The following SERGEF variants were observed in gnomAD, a reference collection of about 807,000 sequenced individuals.
The protein encoded by SERGEF is secretion regulating guanine nucleotide exchange factor.
A neutral mutation model predicts 50.0 loss-of-function variants in SERGEF; 51 were observed. The ratio of observed to expected loss-of-function variants is 1.02; its 90% confidence interval spans 0.81 to 1.29. The LOEUF is 1.29. SERGEF is among the 50% of genes most tolerant of loss of function. The probability of loss-of-function intolerance (pLI) is 0.00; values close to 1 mark genes in which losing one functional copy is unlikely to be tolerated. For synonymous variants in SERGEF, 205 were observed against 212.4 expected (o/e 0.97, Z 0.30); for missense variants, 521 against 557.0 (o/e 0.94, Z 0.65).
At chr11:17,911,371 T>C (rs1016384660) in intron 9 of SERGEF, among the ~76,000 whole-genome samples, 1 of 147,202 alleles carries the variant, frequency 6.8e-6, no homozygotes, top group Middle Eastern at 3.3e-3. Context: ...TATATTAAAA[T>C]ATATATAAAA....
At chr11:17,998,558 G>A (rs1406775482) in intron 5 of SERGEF, among the ~76,000 whole-genome samples, 5 of 147,974 alleles carry the variant, frequency 3.4e-5, no homozygotes, top group African/African-American at 5.0e-5. Flanking sequence ...ATGTGTATGT[G>A]TGTATTTATA....
At chr11:17,788,925 T>G (rs950948386) in intron 10 of SERGEF, among the ~76,000 whole-genome samples, 30 of 152,360 alleles carry the variant, frequency 2.0e-4, no homozygotes, top group African/African-American at 7.0e-4. Context: ...CGTGTCACTC[T>G]GCTGCTTAAA....
chr11:17,891,570 T>C (rs374081177), intron 9 of SERGEF, among the ~76,000 whole-genome samples: 17 of 152,318 alleles, frequency 1.1e-4, no homozygotes, highest in East Asian at 9.7e-4. Context: ...ACAATACATG[T>C]TAAGCCTGGA....
chr11:17,992,657 A>G (rs1267747184), intron 7 of SERGEF, among the ~76,000 whole-genome samples: 2 of 152,242 alleles, frequency 1.3e-5, no homozygotes, highest in South Asian at 4.1e-4. Context: ...TAGTTAAGAA[A>G]GCAAACTCAG....
intron 5 of SERGEF, among the ~76,000 whole-genome samples, chr11:17,998,436 C>CAT (rs1853884923): frequency 2.2e-5 from 1 of 46,262 alleles, no homozygotes; most frequent in Non-Finnish European, 4.4e-5. Context: ...TACATACATA[C>CAT]ATACATATAT....
chr11:17,944,861 C>T (rs540515515), intron 9 of SERGEF, among the ~76,000 whole-genome samples: 84 of 152,134 alleles, frequency 5.5e-4, no homozygotes, highest in Admixed American at 2.0e-3. Context: ...AAGATGATAC[C>T]GACACAGAAT....
intron 10 of SERGEF, among the ~76,000 whole-genome samples, chr11:17,837,838 AT>A (rs1259770140): frequency 1.3e-5 from 2 of 151,442 alleles, no homozygotes; most frequent in Non-Finnish European, 2.9e-5. Flanking sequence ...TAATTTTTGT[AT>A]TTTTAATAGA....
intron 5 of SERGEF, among the ~76,000 whole-genome samples, chr11:17,999,088 A>G (rs1232165215): frequency 6.6e-6 from 1 of 152,178 alleles, no homozygotes; most frequent in African/African-American, 2.4e-5. Context: ...AAAAAAGCCA[A>G]CCTCAAAAGG....
chr11:17,967,619 G>GT (rs1401419323), intron 8 of SERGEF, among the ~76,000 whole-genome samples: 2 of 152,202 alleles, frequency 1.3e-5, no homozygotes, highest in Non-Finnish European at 2.9e-5. Flanking sequence ...ACAACATGTG[G>GT]TTAGGGTTTT....
At chr11:17,807,725 T>C (rs1386458820) in intron 10 of SERGEF, among the ~76,000 whole-genome samples, 3 of 152,216 alleles carry the variant, frequency 2.0e-5, no homozygotes, top group East Asian at 1.9e-4. Context: ...CAGCCTGGGA[T>C]TGGCCTTTCC....
chr11:17,914,210 T>C (rs1401955583), intron 9 of SERGEF, among the ~76,000 whole-genome samples: 1 of 152,204 alleles, frequency 6.6e-6, no homozygotes. Flanking sequence ...TGTCCAAATC[T>C]TACGGATTTT....
chr11:18,013,037 G>A lies in SERGEF; in HGVS notation c.-27C>T. The A allele has an allele frequency of 2.2e-6, 3 of 1,352,004 alleles. No homozygotes were observed. The highest frequency in any genetic ancestry group is 3.7e-5 in the South Asian group (2 of 53,846). 83.8% of individuals were successfully genotyped at this position (1,352,004 alleles called of 1,614,324 possible). A position where few individuals can be genotyped will look rare whatever the true frequency, so the allele number is the denominator to read the frequency against. On this transcript the variant is annotated 5_prime_UTR_variant, in exon 1 of 11. Coordinates refer to ENST00000265965, the MANE Select transcript of SERGEF (RefSeq NM_012139.4). This position sits in a 1 kb window ranked among gnomAD's most constrained non-coding sequence, Gnocchi z 4.3. Reference sequence around the variant, plus strand: ...CGAGGACGCTCCGCCGGCGCTTCCGGGAGGGACGGCACGGGGGCGGCGCCT... The same window carrying A: ...CGAGGACGCTCCGCCGGCGCTTCCGAGAGGGACGGCACGGGGGCGGCGCCT...
chr11:17,874,244 C>T (rs1160834188), intron 10 of SERGEF: 1 of 152,268 alleles, frequency 6.6e-6, no homozygotes, highest in Non-Finnish European at 1.5e-5. Flanking sequence ...AGAACAACTT[C>T]TGGGAGTGGG....
At chr11:17,978,356 T>TC (rs1853423005) in intron 8 of SERGEF, among the ~76,000 whole-genome samples, 1 of 152,244 alleles carries the variant, frequency 6.6e-6, no homozygotes, top group Admixed American at 6.5e-5. Context: ...GCCCTGGGCC[T>TC]GCCCATCTGT....
In SERGEF at chr11:17,988,670, T is replaced by G. The variant is rs1853648335; in HGVS notation, c.771A>C (p.Ile257=). 4.3e-6 allele frequency: 7 copies of G among 1,614,054 alleles called. No individual in the cohort carries two copies. The South Asian group carries it at 7.7e-5, about 18-fold the overall frequency. ...EAAFLPVPQK[I]EAHCFQNEKV... is the part of the protein sequence containing the mutation. ...TTTCATTCTGGAAACAATGTGCTTC[T>G]ATTTTCTGGGGCACAGGAAGGAAAG... The change falls in exon 8 of 11, where the codon ATA becomes ATC. Residue 257 remains isoleucine, a synonymous_variant. Transcript: ENST00000265965.
At chr11:17,891,238 C>CA (rs1391666061) in intron 9 of SERGEF, among the ~76,000 whole-genome samples, 3 of 151,074 alleles carry the variant, frequency 2.0e-5, no homozygotes, top group Non-Finnish European at 1.5e-5. Context: ...AACTCAGTTT[C>CA]AAAAAAAAAG....
chr11:17,900,767 T>C (rs1851735056), intron 9 of SERGEF, among the ~76,000 whole-genome samples: 1 of 152,128 alleles, frequency 6.6e-6, no homozygotes, highest in Non-Finnish European at 1.5e-5. Flanking sequence ...AAGCATACAA[T>C]GGGGAGACTG....
chr11:17,949,157 G>A (rs2133962583), intron 9 of SERGEF, among the ~76,000 whole-genome samples: 1 of 152,178 alleles, frequency 6.6e-6, no homozygotes. Flanking sequence ...GTGACAAGAG[G>A]AATGTTTTCT....
chr11:17,842,506 C>A (rs186819622), intron 10 of SERGEF, among the ~76,000 whole-genome samples: 1 of 152,270 alleles, frequency 6.6e-6, no homozygotes, highest in Admixed American at 6.5e-5. Flanking sequence ...TCAGTTAATC[C>A]TTTCAGTACT....
Sources: allele counts gnomAD v4.1 joint callset (sites outside exome capture counted in the v4.1 genomes callset), GRCh38; gene constraint gnomAD v4.1.1; non-coding constraint Gnocchi (gnomAD v3.1); transcripts MANE v1.5; gene names NCBI Gene and HGNC (gene_info 2026-07-23, HGNC 2026-07-21).